ATG10: variants seen among roughly 807,000 people sequenced by gnomAD.
ATG10 encodes ubiquitin-like-conjugating enzyme ATG10.
A neutral mutation model predicts 32.1 loss-of-function variants in ATG10; 30 were observed. That is an observed-to-expected ratio of 0.94 (90% confidence interval 0.70 to 1.27). ATG10 has a LOEUF of 1.27. Among genes scored for constraint, ATG10 ranks in the 50% most tolerant of loss-of-function variants. The probability of loss-of-function intolerance (pLI) is 0.00; values close to 1 mark genes in which losing one functional copy is unlikely to be tolerated. For synonymous variants in ATG10, 87 were observed against 91.5 expected (o/e 0.95, Z 0.28); for missense variants, 233 against 262.3 (o/e 0.89, Z 0.77).
intron 2 of ATG10, among the ~76,000 whole-genome samples, chr5:82,006,334 T>C (rs1761984868): frequency 6.6e-6 from 1 of 152,192 alleles, no homozygotes. Flanking sequence ...AATGTCTTAT[T>C]ATGAAACATT....
chr5:82,139,096 G>A (rs1298918688), intron 3 of ATG10, among the ~76,000 whole-genome samples: 2 of 146,948 alleles, frequency 1.4e-5, no homozygotes, highest in East Asian at 2.1e-4. Flanking sequence ...CGCCAACCTC[G>A]GCCTCCCGAG....
At chr5:82,119,930 C>T (rs1306780853) in intron 3 of ATG10, among the ~76,000 whole-genome samples, 1 of 151,952 alleles carries the variant, frequency 6.6e-6, no homozygotes, top group African/African-American at 2.4e-5. Context: ...AAACCCTTTT[C>T]TTTGGAAATA....
chr5:82,136,767 G>T (rs1307826482), intron 3 of ATG10, among the ~76,000 whole-genome samples: 1 of 152,152 alleles, frequency 6.6e-6, no homozygotes, highest in Non-Finnish European at 1.5e-5. Flanking sequence ...TGTTTTGCTA[G>T]GTTGGGGACG....
intron 3 of ATG10, among the ~76,000 whole-genome samples, chr5:82,082,910 T>G (rs1764533552): frequency 6.6e-6 from 1 of 152,194 alleles, no homozygotes; most frequent in Non-Finnish European, 1.5e-5. Flanking sequence ...GCAGCTCCAT[T>G]CTGCAGCTCC....
At chr5:82,106,089 T>G (rs919663058) in intron 3 of ATG10, among the ~76,000 whole-genome samples, 3 of 152,148 alleles carry the variant, frequency 2.0e-5, no homozygotes, top group African/African-American at 7.2e-5. Context: ...CAAGACTTCA[T>G]TTTTATGGAT....
chr5:82,175,887 GCACACA>G (rs146858605), intron 4 of ATG10, among the ~76,000 whole-genome samples: 1 of 129,578 alleles, frequency 7.7e-6, no homozygotes, highest in Non-Finnish European at 1.8e-5. Flanking sequence ...ACACACACAC[GCACACA>G]CACACACACA....
At chr5:82,248,509 C>T (rs942079040) in intron 5 of ATG10, among the ~76,000 whole-genome samples, 21 of 152,138 alleles carry the variant, frequency 1.4e-4, no homozygotes, top group Admixed American at 3.9e-4. Context: ...GCTTCAGATT[C>T]CCTCTGTTTC....
intron 1 of ATG10, among the ~76,000 whole-genome samples, chr5:81,973,964 A>G (rs1303316687): frequency 2.0e-5 from 3 of 152,192 alleles, no homozygotes; most frequent in Non-Finnish European, 2.9e-5. Context: ...GTTAACTGAG[A>G]TTTTGGTACA....
intron 2 of ATG10, among the ~76,000 whole-genome samples, chr5:82,004,063 G>A (rs1347257354): frequency 6.6e-6 from 1 of 152,060 alleles, no homozygotes; most frequent in Non-Finnish European, 1.5e-5. Context: ...AAGCCGGGAG[G>A]TGGAGGTTGC....
chr5:82,081,199 C>G (rs1361467123), intron 3 of ATG10, among the ~76,000 whole-genome samples: 1 of 152,152 alleles, frequency 6.6e-6, no homozygotes, highest in East Asian at 1.9e-4. Context: ...GATTTTTGCA[C>G]ATTGATTTTG....
At chr5:81,996,665 G>T (rs1360370605) in intron 2 of ATG10, among the ~76,000 whole-genome samples, 2 of 152,228 alleles carry the variant, frequency 1.3e-5, no homozygotes, top group African/African-American at 4.8e-5. Flanking sequence ...ATCATATGCT[G>T]AAGGTAGGTT....
intron 3 of ATG10, among the ~76,000 whole-genome samples, chr5:82,139,918 C>T (rs1190815150): frequency 3.7e-5 from 5 of 135,268 alleles, no homozygotes; most frequent in Non-Finnish European, 6.6e-5. Context: ...CCTGGCCAGC[C>T]GCCCCATCCG....
chr5:82,047,757 G>A (rs1457055998), intron 2 of ATG10, among the ~76,000 whole-genome samples: 3 of 152,156 alleles, frequency 2.0e-5, no homozygotes, highest in Admixed American at 1.3e-4. Flanking sequence ...TGAAAAGAAG[G>A]GGGACTTGGT....
At chr5:82,225,174 C>G (rs770644726) in intron 5 of ATG10, among the ~76,000 whole-genome samples, 1 of 152,138 alleles carries the variant, frequency 6.6e-6, no homozygotes, top group Non-Finnish European at 1.5e-5. Context: ...ATGGGTATTT[C>G]AGAAATAAGA....
intron 2 of ATG10, among the ~76,000 whole-genome samples, chr5:82,029,447 T>C (rs945999901): frequency 6.6e-6 from 1 of 152,212 alleles, no homozygotes; most frequent in Non-Finnish European, 1.5e-5. Flanking sequence ...TTAGAAAACA[T>C]TGGACTGAAT....
intron 1 of ATG10, among the ~76,000 whole-genome samples, chr5:81,979,310 G>A (rs570312815): frequency 1.2e-4 from 19 of 152,286 alleles, no homozygotes; most frequent in Non-Finnish European, 2.1e-4. Context: ...GACGGATCAC[G>A]AGGTCAGGAG....
chr5:82,194,031 C>A lies in ATG10; in HGVS notation c.453+15444C>A, dbSNP rs138643696. On this transcript the variant is annotated intron_variant, in intron 5 of 7. Coordinates refer to ENST00000282185, the MANE Select transcript of ATG10 (RefSeq NM_031482.5). ...ACAAATTGTCTCACAATAGGTCTTT[C>A]TTCTGTTGATGAAGCTTTAATAAAA... Among the ~76,000 whole-genome samples the A allele has an allele frequency of 5.4e-3, 824 of 152,312 alleles. 14 individuals carry two copies. The highest frequency in any genetic ancestry group is 0.019 in the African/African-American group (771 of 41,574).
chr5:82,154,563 C>A (rs1191074651), intron 3 of ATG10, among the ~76,000 whole-genome samples: 1 of 152,130 alleles, frequency 6.6e-6, no homozygotes, highest in Non-Finnish European at 1.5e-5. Flanking sequence ...AGGGATTGAA[C>A]CCACATCTAG....
At chr5:82,242,785 T>C (rs1746856209) in intron 5 of ATG10, 7 of 435,874 alleles carry the variant, frequency 1.6e-5, no homozygotes, top group South Asian at 1.2e-4. Flanking sequence ...TTGGACAATT[T>C]ACTACCTACA....
Sources: allele counts gnomAD v4.1 joint callset (sites outside exome capture counted in the v4.1 genomes callset), GRCh38; gene constraint gnomAD v4.1.1; transcripts MANE v1.5; gene names NCBI Gene and HGNC (gene_info 2026-07-23, HGNC 2026-07-21).